The following SLC25A51 variants were observed in gnomAD, a reference collection of about 807,000 sequenced individuals.
SLC25A51 encodes solute carrier family 25 member 51, also known as mitochondrial nicotinamide adenine dinucleotide transporter SLC25A51.
In SLC25A51, 11 loss-of-function variants were observed where a neutral mutation model predicts 19.1. The ratio of observed to expected loss-of-function variants is 0.58; its 90% CI spans 0.36 to 0.96. The LOEUF (loss-of-function observed/expected upper bound fraction) is 0.96, where lower values mean the gene tolerates loss of function less well. SLC25A51 is among the 40% of genes least tolerant of loss of function. SLC25A51 has a pLI of 0.01. For missense variants in SLC25A51, 201 were observed against 365.4 expected (o/e 0.55, Z 3.67); for synonymous variants, 105 against 133.6 (o/e 0.79, Z 1.47).
At chr9:37,894,518 T>C (rs978907866) in intron 2 of SLC25A51, among the ~76,000 whole-genome samples, 1 of 151,920 alleles carries the variant, frequency 6.6e-6, no homozygotes, top group African/African-American at 2.4e-5. Flanking sequence ...TAGAGATGGG[T>C]TATCAACTTG....
At chr9:37,890,188 A>C (rs1002044454) in intron 2 of SLC25A51, among the ~76,000 whole-genome samples, 2 of 151,994 alleles carry the variant, frequency 1.3e-5, no homozygotes, top group Non-Finnish European at 2.9e-5. Context: ...GTTTGAGACC[A>C]GTGTGGGCAA....
intron 2 of SLC25A51, among the ~76,000 whole-genome samples, chr9:37,891,509 T>C (rs1831585433): frequency 6.6e-6 from 1 of 152,244 alleles, no homozygotes; most frequent in South Asian, 2.1e-4. Flanking sequence ...TGTTCTGTAC[T>C]AAGAAAAATT....
At chr9:37,882,406 A>G (rs767859486) in intron 2 of SLC25A51, among the ~76,000 whole-genome samples, 5 of 152,132 alleles carry the variant, frequency 3.3e-5, no homozygotes, top group Non-Finnish European at 7.4e-5. Flanking sequence ...ATTCCCTTAC[A>G]TGTTTGCACA....
intron 1 of SLC25A51, among the ~76,000 whole-genome samples, chr9:37,900,958 T>C (rs1831833729): frequency 6.6e-6 from 1 of 152,116 alleles, no homozygotes; most frequent in African/African-American, 2.4e-5. Flanking sequence ...CTTGACCTCC[T>C]GGGCTCAAGC....
chr9:37,889,885 C>T (rs1373127860), intron 2 of SLC25A51, among the ~76,000 whole-genome samples: 1 of 151,790 alleles, frequency 6.6e-6, no homozygotes, highest in African/African-American at 2.4e-5. Context: ...CTGGGTCATA[C>T]AGAATAATTC....
At chr9:37,877,853 C>A (rs41278317), downstream of SLC25A51, among the ~76,000 whole-genome samples, 4,457 of 152,136 alleles carry the variant, frequency 0.029, 92 homozygotes, top group Non-Finnish European at 0.045. Flanking sequence ...ACAAAAAATA[C>A]AAAATTTAGC....
chr9:37,886,136 C>T, downstream of SLC25A51: 1 of 1,434,422 alleles, frequency 7.0e-7, no homozygotes, highest in Non-Finnish European at 9.8e-7. Context: ...CACATCACCC[C>T]TCACCAATCA....
At position 37,888,017 on chromosome 9, in the gene SLC25A51, G is replaced by A; in HGVS notation, c.534C>T (p.Pro178=). The change falls in exon 3 of 3, where the codon CCC becomes CCT. Residue 178 remains proline (P), a synonymous_variant. Coordinates refer to ENST00000242275, the MANE Select transcript of SLC25A51 (RefSeq NM_033412.4). ...GIGEYYRGLV[P]ILFRNGLSNV... ...TGCTGAGTCCATTCCGGAAAAGAAT[G>A]GGCACCAAGCCTCGATAATACTCTC... 1 of 1,612,470 alleles carries A rather than the reference G, an allele frequency of 6.2e-7. No individual in the cohort carries two copies. Among genetic ancestry groups the A allele is most frequent in the South Asian group, 1.1e-5 (1 of 90,992 alleles).
At chr9:37,888,623 C>T (rs765577041) in intron 2 of SLC25A51, 31 bp from the exon 3 acceptor site, 323 of 1,504,936 alleles carry the variant, frequency 2.1e-4, no homozygotes, top group Non-Finnish European at 2.8e-4. Flanking sequence ...CGGGTAAACC[C>T]GTTTTATAGA....
At chr9:37,891,416 AG>A (rs1359319648) in intron 2 of SLC25A51, among the ~76,000 whole-genome samples, 7 of 152,236 alleles carry the variant, frequency 4.6e-5, no homozygotes, top group Non-Finnish European at 2.9e-5. Flanking sequence ...CGAATAGAAA[AG>A]GGGGAAATGT....
chr9:37,890,809 A>G (rs1313728161), intron 2 of SLC25A51, among the ~76,000 whole-genome samples: 1 of 152,346 alleles, frequency 6.6e-6, no homozygotes, highest in African/African-American at 2.4e-5. Context: ...AGTACTATTC[A>G]CAACAGCCAA....
At chr9:37,896,191 C>G (rs1037626485) in intron 2 of SLC25A51, among the ~76,000 whole-genome samples, 9 of 152,316 alleles carry the variant, frequency 5.9e-5, no homozygotes, top group Non-Finnish European at 2.9e-5. Context: ...GCCAACATCA[C>G]TGATGACTGA....
At chr9:37,888,621 C>A (rs1466395672) in intron 2 of SLC25A51, 29 bp from the exon 3 acceptor site, 1 of 1,516,866 alleles carries the variant, frequency 6.6e-7, no homozygotes, top group Non-Finnish European at 8.8e-7. Context: ...AACGGGTAAA[C>A]CCGTTTTATA....
chr9:37,897,054 A>G (rs893675581), intron 2 of SLC25A51, among the ~76,000 whole-genome samples: 3 of 152,160 alleles, frequency 2.0e-5, no homozygotes, highest in African/African-American at 7.2e-5. Context: ...AATTTTAAAT[A>G]CTGATCATCT....
chr9:37,887,998 G>A lies in SLC25A51; in HGVS notation c.553C>T (p.Leu185Phe). ...GLVPILFRNG[L>F]SNVLFFGLRG... The stretch of plus-strand genomic sequence containing the variant: ...AGGCCGAAAAACAAGACATTGCTGA[G>A]TCCATTCCGGAAAAGAATGGGCACC... The change falls in exon 3 of 3, where the codon CTC (leucine) becomes TTC (phenylalanine). Residue 185 changes from leucine (L) to phenylalanine (F), a missense_variant. By Grantham distance (22) the Leu-to-Phe change is conservative. Transcript: ENST00000242275. 1.2e-6 allele frequency: 2 copies of A among 1,612,194 alleles called. No homozygotes were observed. The highest frequency in any genetic ancestry group is 1.1e-5 in the South Asian group (1 of 90,996).
intron 2 of SLC25A51, among the ~76,000 whole-genome samples, chr9:37,895,938 C>T (rs1831705436): frequency 6.6e-6 from 1 of 151,962 alleles, no homozygotes; most frequent in African/African-American, 2.4e-5. Context: ...CTCAGCCTCC[C>T]AAGTAGCTGG....
intron 2 of SLC25A51, among the ~76,000 whole-genome samples, chr9:37,894,308 C>T (rs1420100383): frequency 6.6e-6 from 1 of 151,920 alleles, no homozygotes; most frequent in Non-Finnish European, 1.5e-5. Flanking sequence ...TAAACCTGCC[C>T]CCACTCACCT....
At chr9:37,886,496 C>A, downstream of SLC25A51, 3 of 1,251,694 alleles carry the variant, frequency 2.4e-6, no homozygotes, top group Non-Finnish European at 3.3e-6. Context: ...TTGGCTGTGA[C>A]TGGGTGGGGC....
chr9:37,892,253 G>C (rs552800160), intron 2 of SLC25A51, among the ~76,000 whole-genome samples: 1 of 152,336 alleles, frequency 6.6e-6, no homozygotes, highest in South Asian at 2.1e-4. Context: ...TGTCTGGAGA[G>C]AATGACAGGC....
Sources: allele counts gnomAD v4.1 joint callset (sites outside exome capture counted in the v4.1 genomes callset), GRCh38; gene constraint gnomAD v4.1.1; transcripts MANE v1.5; gene names NCBI Gene and HGNC (gene_info 2026-07-23, HGNC 2026-07-21).